The following RBFOX1 variants were observed in gnomAD, a reference collection of about 807,000 sequenced individuals.
RBFOX1 encodes the protein RNA binding fox-1 homolog 1.
RBFOX1 carries 8 observed loss-of-function variants against 57.7 expected under a neutral mutation model. That is an observed-to-expected ratio of 0.14 (90% CI 0.08 to 0.25). The LOEUF is 0.25. RBFOX1 is among the 10% of genes least tolerant of loss of function. RBFOX1 has a pLI of 1.00. For synonymous variants in RBFOX1, 326 were observed against 222.4 expected (o/e 1.47, Z -4.15); for missense variants, 611 against 548.5 (o/e 1.11, Z -1.14).
chr16:6,302,919 G>A (rs751661875), intron 1 of RBFOX1, among the ~76,000 whole-genome samples: 13 of 152,168 alleles, frequency 8.5e-5, no homozygotes, highest in South Asian at 4.1e-4. Flanking sequence ...TTGAAAAGTA[G>A]CATAAATGAC....
chr16:6,643,276 C>G (rs1428991810), intron 2 of RBFOX1, among the ~76,000 whole-genome samples: 3 of 152,202 alleles, frequency 2.0e-5, no homozygotes, highest in Non-Finnish European at 4.4e-5. Context: ...TTGCTCCCAT[C>G]TGCTGGCCAT....
At chr16:5,355,999 G>T (rs1412752189) in intron 1 of RBFOX1, among the ~76,000 whole-genome samples, 1 of 152,210 alleles carries the variant, frequency 6.6e-6, no homozygotes, top group Non-Finnish European at 1.5e-5. Flanking sequence ...GCTGTGACAT[G>T]AGAATTGCTT....
At chr16:7,172,923 C>A (rs993163404) in intron 4 of RBFOX1, among the ~76,000 whole-genome samples, 1 of 152,116 alleles carries the variant, frequency 6.6e-6, no homozygotes, top group South Asian at 2.1e-4. Context: ...CTTGAATATC[C>A]TAGAGCAGTT....
intron 2 of RBFOX1, among the ~76,000 whole-genome samples, chr16:6,497,214 G>C (rs958742278): frequency 2.0e-5 from 3 of 152,174 alleles, no homozygotes; most frequent in Non-Finnish European, 4.4e-5. Flanking sequence ...TAACCACTGT[G>C]TTTTGTAACT....
chr16:7,019,439 C>G (rs915823845), intron 3 of RBFOX1, among the ~76,000 whole-genome samples: 1 of 151,998 alleles, frequency 6.6e-6, no homozygotes, highest in African/African-American at 2.4e-5. Context: ...TGCATTCATG[C>G]TGTTGTAGGT....
In RBFOX1 at chr16:6,641,436, T is replaced by C. The variant is rs533693055; in HGVS notation, c.-63-13167T>C. On this transcript the variant is annotated intron_variant, in intron 2 of 15. Transcript: ENST00000550418. ...TGGTGATGCAGACACTCATCCTCAT[T>C]AGAATTTTTGCCCTGACGCCGGGCA... 4.6e-4 allele frequency among the ~76,000 whole-genome samples: 70 copies of C among 152,156 alleles called. No homozygotes were observed. The South Asian group carries it at 7.1e-3, about 15-fold the overall frequency.
At chr16:6,687,671 A>G (rs977483166) in intron 3 of RBFOX1, among the ~76,000 whole-genome samples, 1 of 152,092 alleles carries the variant, frequency 6.6e-6, no homozygotes, top group African/African-American at 2.4e-5. Context: ...TGTTTCATCT[A>G]GCTGTATTTA....
chr16:6,620,876 T>G (rs1432530188), intron 2 of RBFOX1, among the ~76,000 whole-genome samples: 1 of 152,214 alleles, frequency 6.6e-6, no homozygotes, highest in Non-Finnish European at 1.5e-5. Context: ...TCCCTTGTAT[T>G]AGTTTGATAG....
rs1010663486 is a variant in RBFOX1, at chr16:6,836,006, C to T, written c.-16+181356C>T. 7.2e-5 allele frequency among the ~76,000 whole-genome samples: 11 copies of T among 152,246 alleles called. 1 individual carries two copies. The South Asian group carries it at 2.3e-3, about 32-fold the overall frequency. ...TGGTCACATCTAACTGCAGAAGAAGCTCAGAAATACAGTCTCTGTCCTTGG... is the reference window on the plus strand; with the variant it reads ...TGGTCACATCTAACTGCAGAAGAAGTTCAGAAATACAGTCTCTGTCCTTGG... On this transcript the variant is annotated intron_variant, in intron 3 of 15. Coordinates refer to ENST00000550418, the MANE Select transcript of RBFOX1 (RefSeq NM_018723.4).
intron 3 of RBFOX1, among the ~76,000 whole-genome samples, chr16:6,906,062 C>T (rs1310396023): frequency 6.6e-6 from 1 of 152,164 alleles, no homozygotes; most frequent in African/African-American, 2.4e-5. Flanking sequence ...GTGAGCTCAT[C>T]TCCACCTGAT....
chr16:5,928,853 A>G (rs1263187009), intron 4 of RBFOX1, among the ~76,000 whole-genome samples: 3 of 151,984 alleles, frequency 2.0e-5, no homozygotes, highest in African/African-American at 4.8e-5. Context: ...CTACTTTTCA[A>G]TTACAAAAGC....
intron 2 of RBFOX1, among the ~76,000 whole-genome samples, chr16:6,573,292 G>T (rs1345298): frequency 0.91 from 138,234 of 151,942 alleles, 64,268 homozygotes; most frequent in East Asian, 1. Context: ...AGTCTGCCAG[G>T]GGACGCCATA....
At chr16:5,575,986 CTTTTT>C (rs77867298) in intron 2 of RBFOX1, among the ~76,000 whole-genome samples, 1 of 148,212 alleles carries the variant, frequency 6.7e-6, no homozygotes, top group South Asian at 2.1e-4. Flanking sequence ...AAATTTTCAT[CTTTTT>C]TTTTTCTTTT....
chr16:5,755,482 G>T lies in RBFOX1; in HGVS notation c.319-111821G>T, dbSNP rs547248807. ...GATGGCATGTGGCTGTTGAGTGTTA[G>T]GTAGACCAAAGCAGTAGCCCTAAGC... On this transcript the variant is annotated intron_variant, in intron 3 of 19. Coordinates refer to the RBFOX1 transcript ENST00000641259. Among the ~76,000 whole-genome samples the T allele has an allele frequency of 1.7e-3, 263 of 152,280 alleles. 1 individual carries two copies. Among genetic ancestry groups the T allele is most frequent in the African/African-American group, 6.2e-3 (257 of 41,556 alleles).
chr16:6,957,690 G>C (rs2082159510), intron 3 of RBFOX1, among the ~76,000 whole-genome samples: 2 of 152,072 alleles, frequency 1.3e-5, no homozygotes, highest in African/African-American at 4.8e-5. Context: ...TAACCTCAGG[G>C]GAAAGTAGCC....
At position 5,803,764 on chromosome 16, in the gene RBFOX1, C is replaced by T. The variant is rs183311234; in HGVS notation, c.319-63539C>T. Among the ~76,000 whole-genome samples, 126 of 152,286 alleles carry T rather than the reference C, an allele frequency of 8.3e-4. 1 individual carries two copies. The highest frequency in any genetic ancestry group is 2.9e-3 in the African/African-American group (121 of 41,568). ...ATTATCTACCTTCTTGATCCCCTTT[C>T]TATTATCTCATGCTCTACTATGATT... On this transcript the variant is annotated intron_variant, in intron 3 of 19. Transcript: ENST00000641259.
chr16:5,522,728 T>C (rs926011135), intron 2 of RBFOX1, among the ~76,000 whole-genome samples: 17 of 152,202 alleles, frequency 1.1e-4, no homozygotes, highest in Admixed American at 4.6e-4. Context: ...GTATCTATGA[T>C]TCTGCTCTCC....
At chr16:6,155,807 T>G (rs1349013854) in intron 1 of RBFOX1, among the ~76,000 whole-genome samples, 1 of 152,156 alleles carries the variant, frequency 6.6e-6, no homozygotes, top group Non-Finnish European at 1.5e-5. Context: ...GGAACTCACT[T>G]ATTTTTATAG....
chr16:7,191,875 C>G (rs1431470387), intron 4 of RBFOX1, among the ~76,000 whole-genome samples: 1 of 152,154 alleles, frequency 6.6e-6, no homozygotes, highest in Non-Finnish European at 1.5e-5. Flanking sequence ...AACTTTGAGG[C>G]AGAATGTAAG....
Sources: allele counts gnomAD v4.1 joint callset (sites outside exome capture counted in the v4.1 genomes callset), GRCh38; gene constraint gnomAD v4.1.1; transcripts MANE v1.5; gene names NCBI Gene and HGNC (gene_info 2026-07-23, HGNC 2026-07-21).